The following NBEA variants were observed in gnomAD, a reference collection of about 807,000 sequenced individuals.
NBEA encodes lysosomal-trafficking regulator 2.
Under a neutral mutation model 343.4 loss-of-function variants are expected in NBEA, and 44 were observed. The ratio of observed to expected loss-of-function variants is 0.13; its 90% CI spans 0.10 to 0.16. The LOEUF is 0.16. NBEA is among the 10% of genes least tolerant of loss of function. The pLI is 1.00. For synonymous variants in NBEA, 1,175 were observed against 1,238.7 expected (o/e 0.95, Z 1.08); for missense variants, 2,555 against 3,631.3 (o/e 0.70, Z 7.62).
At chr13:35,297,851 A>T (rs1041064009) in intron 35 of NBEA, among the ~76,000 whole-genome samples, 9 of 151,970 alleles carry the variant, frequency 5.9e-5, no homozygotes, top group South Asian at 4.1e-4. Flanking sequence ...AATACATAAA[A>T]TGTAAAATGT....
At chr13:35,663,825 A>G (rs1227546014) in intron 55 of NBEA, among the ~76,000 whole-genome samples, 1 of 152,354 alleles carries the variant, frequency 6.6e-6, no homozygotes, top group Admixed American at 6.5e-5. Context: ...ATATCCATGT[A>G]TTCAGAAGAA....
intron 38 of NBEA, among the ~76,000 whole-genome samples, chr13:35,407,804 G>A (rs966649618): frequency 6.6e-6 from 1 of 152,132 alleles, no homozygotes; most frequent in Non-Finnish European, 1.5e-5. Flanking sequence ...CAGCTAACTA[G>A]GGAGGTGAAA....
chr13:34,977,197 C>A (rs2060209018), intron 1 of NBEA, among the ~76,000 whole-genome samples: 1 of 152,070 alleles, frequency 6.6e-6, no homozygotes, highest in South Asian at 2.1e-4. Flanking sequence ...GCCTTGGCCT[C>A]CCAACTTGCT....
At chr13:35,384,371 T>A (rs902606610) in intron 38 of NBEA, among the ~76,000 whole-genome samples, 9 of 152,114 alleles carry the variant, frequency 5.9e-5, no homozygotes, top group African/African-American at 2.2e-4. Context: ...GTGAGAGTAA[T>A]ACATCTCCAA....
intron 40 of NBEA, among the ~76,000 whole-genome samples, chr13:35,459,910 T>A (rs1333791886): frequency 6.6e-6 from 1 of 152,204 alleles, no homozygotes; most frequent in African/African-American, 2.4e-5. Flanking sequence ...CTGGAATACT[T>A]ACTATGGGAG....
At chr13:35,490,483 C>G (rs2076460819) in intron 41 of NBEA, among the ~76,000 whole-genome samples, 1 of 151,854 alleles carries the variant, frequency 6.6e-6, no homozygotes, top group Admixed American at 6.6e-5. Flanking sequence ...TACAGGATAC[C>G]TAATCCAGCC....
chr13:35,641,394 T>A (rs972878236), intron 49 of NBEA, among the ~76,000 whole-genome samples: 1 of 152,266 alleles, frequency 6.6e-6, no homozygotes, highest in African/African-American at 2.4e-5. Context: ...TCTAAGCAAC[T>A]TTATTCACAG....
intron 27 of NBEA, among the ~76,000 whole-genome samples, chr13:35,175,934 T>C (rs1215668917): frequency 6.6e-6 from 1 of 152,044 alleles, no homozygotes; most frequent in Non-Finnish European, 1.5e-5. Flanking sequence ...AGATTAGGGG[T>C]AGAGAAATAT....
chr13:35,365,651 C>T (rs1020734219), intron 38 of NBEA, among the ~76,000 whole-genome samples: 1 of 151,478 alleles, frequency 6.6e-6, no homozygotes, highest in African/African-American at 2.4e-5. Context: ...GTTTTAGAAG[C>T]TTGCTTTTTG....
intron 10 of NBEA, among the ~76,000 whole-genome samples, chr13:35,072,054 A>C (rs962164181): frequency 2.0e-5 from 3 of 152,134 alleles, no homozygotes; most frequent in Admixed American, 6.6e-5. Context: ...TCTAATTGGA[A>C]GGCAGCTCAG....
rs372155413 is a variant in NBEA at position 35,524,713 on chromosome 13, G to A, written c.6586-25764G>A. Among the ~76,000 whole-genome samples the A allele has an allele frequency of 6.9e-4, 105 of 152,298 alleles. No homozygotes were observed. In the South Asian group the frequency reaches 0.021, roughly 30 times the overall value. ...TTAAAATAACATTAAACTAGAACAT[G>A]TGGACATAAATTCTATAACTAAACT... On this transcript the variant is annotated intron_variant, in intron 41 of 58. Coordinates refer to ENST00000379939, the MANE Select transcript of NBEA (RefSeq NM_001385012.1).
At chr13:35,445,890 A>C (rs2046004489) in intron 39 of NBEA, among the ~76,000 whole-genome samples, 1 of 149,542 alleles carries the variant, frequency 6.7e-6, no homozygotes, top group Non-Finnish European at 1.5e-5. Flanking sequence ...ATATGTATAC[A>C]TGTGCCATGT....
intron 44 of NBEA, among the ~76,000 whole-genome samples, chr13:35,565,491 A>G (rs1369670433): frequency 6.6e-6 from 1 of 152,140 alleles, no homozygotes; most frequent in African/African-American, 2.4e-5. Flanking sequence ...TGCTACTGTG[A>G]TAGTACATGT....
intron 39 of NBEA, among the ~76,000 whole-genome samples, 183 bp from the exon 40 acceptor site, chr13:35,451,907 GCT>G (rs1226450408): frequency 6.6e-6 from 1 of 152,060 alleles, no homozygotes; most frequent in Non-Finnish European, 1.5e-5. Flanking sequence ...GATCATTACA[GCT>G]CCGCACACCC....
chr13:35,616,486 A>G (rs1303838189), intron 48 of NBEA, among the ~76,000 whole-genome samples: 1 of 152,212 alleles, frequency 6.6e-6, no homozygotes, highest in Non-Finnish European at 1.5e-5. Flanking sequence ...GTCTCAGTAC[A>G]CATGTGATCA....
At chr13:35,309,643 C>T in intron 36 of NBEA, 51 bp downstream of exon 36, 10 of 1,030,346 alleles carry the variant, frequency 9.7e-6, no homozygotes, top group Non-Finnish European at 1.4e-5. Flanking sequence ...TTTTATTCCA[C>T]TGGGCAATTG....
chr13:35,213,280 G>A (rs1010050588), intron 33 of NBEA, among the ~76,000 whole-genome samples: 3 of 151,964 alleles, frequency 2.0e-5, no homozygotes, highest in Non-Finnish European at 1.5e-5. Flanking sequence ...ATATACACTT[G>A]ATTATGGTTC....
rs1042722235 is a variant in NBEA, at chr13:35,015,130, AAAAAAAAAACAAAC to A, written c.295-25793_295-25780del. Among the ~76,000 whole-genome samples the A allele has an allele frequency of 1.1e-4, 13 of 119,728 alleles. 2 individuals are homozygous for A. The highest frequency in any genetic ancestry group is 3.6e-4 in the African/African-American group (11 of 30,578). The allele number at this position is 119,728 out of a possible 152,430, so 78.5% of individuals were successfully genotyped here. A position where few individuals can be genotyped will look rare whatever the true frequency, so the allele number is the denominator to read the frequency against. ...TCAACAAAAAGCAACGAGATCTGAA[AAAAAAAAAACAAAC>A]AAAAAAAAAAAACCACACACAAAGC... is the stretch of plus-strand genomic sequence containing the variant. On this transcript the variant is annotated intron_variant, in intron 1 of 58. Transcript: ENST00000379939.
intron 49 of NBEA, among the ~76,000 whole-genome samples, chr13:35,642,890 T>A (rs916560363): frequency 2.6e-5 from 4 of 151,648 alleles, no homozygotes; most frequent in Admixed American, 2.0e-4. Flanking sequence ...TGTTTCATTT[T>A]ACCAGTATCA....
Sources: allele counts gnomAD v4.1 joint callset (sites outside exome capture counted in the v4.1 genomes callset), GRCh38; gene constraint gnomAD v4.1.1; transcripts MANE v1.5; gene names NCBI Gene and HGNC (gene_info 2026-07-23, HGNC 2026-07-21).